AVEN: variants seen among roughly 807,000 people sequenced by gnomAD.
AVEN encodes cell death regulator Aven.
In AVEN, 41 loss-of-function variants were observed where a neutral mutation model predicts 38.1. The ratio of observed to expected loss-of-function variants is 1.08; its 90% CI spans 0.84 to 1.40. AVEN has a LOEUF of 1.40. Among genes scored for constraint, AVEN ranks in the 40% most tolerant of loss-of-function variants. AVEN has a pLI of 0.00. For synonymous variants in AVEN, 206 were observed against 171.8 expected, an observed-to-expected ratio of 1.20 and a Z score of -1.56; for missense variants, 605 against 438.8, an observed-to-expected ratio of 1.38 and a Z score of -3.38.
chr15:33,980,931 A>C (rs1221237330), intron 2 of AVEN, among the ~76,000 whole-genome samples: 1 of 152,216 alleles, frequency 6.6e-6, no homozygotes, highest in African/African-American at 2.4e-5. Context: ...CTCCAATCAG[A>C]ACTTAAAAAA....
intron 1 of AVEN, among the ~76,000 whole-genome samples, chr15:34,016,138 T>A (rs1225700470): frequency 6.6e-6 from 1 of 152,164 alleles, no homozygotes; most frequent in Non-Finnish European, 1.5e-5. Context: ...TAGCTGGGCA[T>A]GGTGGTGCAC....
chr15:33,871,047 A>C lies in AVEN; in HGVS notation c.517-17T>G, dbSNP rs1319021681. The C allele has an allele frequency of 7.4e-7, 1 of 1,343,500 alleles. No individual in the cohort carries two copies. The highest frequency in any genetic ancestry group is 9.8e-7 in the Non-Finnish European group (1 of 1,022,486). The allele number at this position is 1,343,500 out of a possible 1,614,324, so 83.2% of individuals were successfully genotyped here. A position where few individuals can be genotyped will look rare whatever the true frequency, so the allele number is the denominator to read the frequency against. ...TGCTGAATTCTATATATATATATAA[A>C]AGAAAATAAAATATCAGGTGATGAT... On this transcript the variant is annotated splice_polypyrimidine_tract_variant and intron_variant, in intron 3 of 5. Transcript: ENST00000306730.
intron 2 of AVEN, among the ~76,000 whole-genome samples, chr15:33,895,611 C>A (rs1892202610): frequency 6.6e-6 from 1 of 152,124 alleles, no homozygotes; most frequent in Admixed American, 6.5e-5. Flanking sequence ...AGGCATGAGC[C>A]ACCACACCCA....
At chr15:34,059,068 T>C (rs1900251731) in intron 5 of AVEN, among the ~76,000 whole-genome samples, 1 of 151,506 alleles carries the variant, frequency 6.6e-6, no homozygotes. Context: ...AGCTAACTTT[T>C]GCATTTTTAG....
At chr15:33,998,915 A>G (rs2140607016) in intron 2 of AVEN, among the ~76,000 whole-genome samples, 1 of 152,304 alleles carries the variant, frequency 6.6e-6, no homozygotes, top group African/African-American at 2.4e-5. Context: ...ACGACTTTAA[A>G]TATCATCTAT....
chr15:34,030,027 G>T (rs1898695979), intron 1 of AVEN, among the ~76,000 whole-genome samples: 1 of 152,140 alleles, frequency 6.6e-6, no homozygotes, highest in Admixed American at 6.5e-5. Flanking sequence ...GCCGAGGCAG[G>T]CGGATCACTT....
At chr15:33,889,581 AAT>A (rs1166212580) in intron 2 of AVEN, among the ~76,000 whole-genome samples, 2 of 84,750 alleles carry the variant, frequency 2.4e-5, no homozygotes, top group African/African-American at 9.5e-5. Flanking sequence ...ATGGACATGA[AAT>A]ATGTTTCTGC....
At chr15:33,866,992 G>C (rs191299322) in intron 5 of AVEN, among the ~76,000 whole-genome samples, 4 of 152,116 alleles carry the variant, frequency 2.6e-5, no homozygotes, top group Admixed American at 2.6e-4. Context: ...TATTGCAGCA[G>C]TCCTGGAAAA....
intron 2 of AVEN, among the ~76,000 whole-genome samples, chr15:33,886,614 T>C (rs970932956): frequency 2.0e-5 from 3 of 152,216 alleles, no homozygotes; most frequent in Non-Finnish European, 4.4e-5. Context: ...TCAGCTCTCA[T>C]TCTTCTCTCT....
chr15:33,900,115 C>A (rs1555505436), intron 2 of AVEN, among the ~76,000 whole-genome samples: 1 of 151,696 alleles, frequency 6.6e-6, no homozygotes, highest in African/African-American at 2.4e-5. Flanking sequence ...TTTTTCTTTC[C>A]TCTTCTTCTC....
At chr15:34,052,932 A>G (rs1034456130) in intron 5 of AVEN, among the ~76,000 whole-genome samples, 7 of 152,180 alleles carry the variant, frequency 4.6e-5, no homozygotes, top group Non-Finnish European at 7.3e-5. Context: ...AAAGTAGTTT[A>G]TAGATTCAAT....
downstream of AVEN, chr15:33,854,315 A>G: frequency 7.9e-7 from 1 of 1,264,080 alleles, no homozygotes; most frequent in Non-Finnish European, 1.1e-6. Flanking sequence ...GAAAAAACTT[A>G]CTTTTTCCCC....
chr15:33,863,405 T>C (rs1037911675), downstream of AVEN, among the ~76,000 whole-genome samples: 1 of 152,152 alleles, frequency 6.6e-6, no homozygotes, highest in African/African-American at 2.4e-5. Flanking sequence ...GAACTCAAGA[T>C]CTGGGGCTTA....
At chr15:33,932,020 G>A (rs113679131) in intron 2 of AVEN, among the ~76,000 whole-genome samples, 130 of 152,268 alleles carry the variant, frequency 8.5e-4, no homozygotes, top group African/African-American at 3.0e-3. Context: ...GTATTATCCA[G>A]CATTCTATAA....
chr15:33,904,900 CG>C (rs1398206697), intron 2 of AVEN, among the ~76,000 whole-genome samples: 1 of 151,350 alleles, frequency 6.6e-6, no homozygotes, highest in Non-Finnish European at 1.5e-5. Context: ...GAGGCCGAGG[CG>C]GGTGGATCAC....
intron 5 of AVEN, among the ~76,000 whole-genome samples, chr15:34,055,501 T>C (rs1441292932): frequency 6.7e-6 from 1 of 150,076 alleles, no homozygotes; most frequent in Non-Finnish European, 1.5e-5. Context: ...TGAAACACTC[T>C]CTCAAAAAAA....
intron 2 of AVEN, among the ~76,000 whole-genome samples, chr15:33,940,447 C>T (rs535700312): frequency 1.3e-5 from 2 of 152,284 alleles, no homozygotes; most frequent in Admixed American, 6.5e-5. Flanking sequence ...AGTACTGCGT[C>T]GCCAAGTACC....
At chr15:33,937,910 C>A in intron 2 of AVEN, among the ~76,000 whole-genome samples, 1 of 104,196 alleles carries the variant, frequency 9.6e-6, no homozygotes, top group South Asian at 3.4e-4. Flanking sequence ...GCAGCCTGAA[C>A]TAATACAAAT....
downstream of AVEN, chr15:33,865,551 A>C: frequency 3.9e-6 from 1 of 258,028 alleles, no homozygotes; most frequent in Non-Finnish European, 7.4e-6. Flanking sequence ...AGGGCTAGAG[A>C]AGTATGAAAT....
Sources: allele counts gnomAD v4.1 joint callset (sites outside exome capture counted in the v4.1 genomes callset), GRCh38; gene constraint gnomAD v4.1.1; transcripts MANE v1.5; gene names NCBI Gene and HGNC (gene_info 2026-07-23, HGNC 2026-07-21).